The following PPP4R3A variants were observed in gnomAD, a reference collection of about 807,000 sequenced individuals.
PPP4R3A encodes protein phosphatase 4 regulatory subunit 3A, also known as serine/threonine-protein phosphatase 4 regulatory subunit 3A.
In PPP4R3A, 15 loss-of-function variants were observed where a neutral mutation model predicts 91.7. The observed-to-expected ratio is 0.16, with a 90% CI of 0.11 to 0.25. The LOEUF is 0.25. Ranked by LOEUF, PPP4R3A falls within the 10% of genes least tolerant of loss-of-function variation. The pLI is 1.00. For missense variants in PPP4R3A, 623 were observed against 998.4 expected, an observed-to-expected ratio of 0.62 and a Z score of 5.07; for synonymous variants, 377 against 348.7, an observed-to-expected ratio of 1.08 and a Z score of -0.91.
chr14:91,500,859 C>A (rs907115791), intron 1 of PPP4R3A, among the ~76,000 whole-genome samples: 6 of 152,094 alleles, frequency 3.9e-5, no homozygotes, highest in Admixed American at 3.9e-4. Flanking sequence ...ATGGCAAACC[C>A]TGTCTCTACA....
chr14:91,498,312 T>C (rs1040572742), intron 1 of PPP4R3A, among the ~76,000 whole-genome samples: 2 of 152,046 alleles, frequency 1.3e-5, no homozygotes, highest in South Asian at 2.1e-4. Flanking sequence ...TCCAGCCTAA[T>C]TGACAGTGAG....
At chr14:91,484,060 CCTCT>C (rs761524894) in intron 3 of PPP4R3A, among the ~76,000 whole-genome samples, 1 of 152,100 alleles carries the variant, frequency 6.6e-6, no homozygotes, top group Non-Finnish European at 1.5e-5. Context: ...ATTAATGTCA[CCTCT>C]CTCTCTTTGG....
intron 11 of PPP4R3A, among the ~76,000 whole-genome samples, chr14:91,464,397 C>T (rs1888355474): frequency 6.7e-6 from 1 of 148,316 alleles, no homozygotes; most frequent in Non-Finnish European, 1.5e-5. Flanking sequence ...TGGCTGCCAA[C>T]AATGTGAATG....
rs766250846 is a variant in PPP4R3A at position 91,468,667 on chromosome 14, C to CAAAAAAAAAAAAAAAAAAAAAAA, written c.1660+2169_1660+2170insTTTTTTTTTTTTTTTTTTTTTTT. Reference sequence around the variant, plus strand: ...AAGGCGACAGAGTGAGACTCCGTCTCAAAAAAAAAAAAAAAAAAAAAAGGA... The same window carrying CAAAAAAAAAAAAAAAAAAAAAAA: ...AAGGCGACAGAGTGAGACTCCGTCTCAAAAAAAAAAAAAAAAAAAAAAAAAAAAAAAAAAAAAAAAAAAAAGGA... On this transcript the variant is annotated intron_variant, in intron 10 of 14. Coordinates refer to ENST00000554943, the MANE Select transcript of PPP4R3A (RefSeq NM_001366432.2). Among the ~76,000 whole-genome samples the CAAAAAAAAAAAAAAAAAAAAAAA allele has an allele frequency of 2.7e-4, 12 of 45,044 alleles. 1 individual carries two copies. The highest frequency in any genetic ancestry group is 3.5e-3 in the East Asian group (2 of 576). The allele number at this position is 45,044 out of a possible 152,430, so 29.6% of individuals were successfully genotyped here. A position where few individuals can be genotyped will look rare whatever the true frequency, so the allele number is the denominator to read the frequency against.
intron 14 of PPP4R3A, among the ~76,000 whole-genome samples, chr14:91,459,563 G>A (rs890553743): frequency 3.3e-5 from 5 of 152,088 alleles, no homozygotes; most frequent in Non-Finnish European, 7.4e-5. Context: ...ATGGTGGCCT[G>A]TGCCTGTAAT....
chr14:91,491,899 C>CG (rs1890251609), intron 1 of PPP4R3A, among the ~76,000 whole-genome samples: 1 of 151,440 alleles, frequency 6.6e-6, no homozygotes, highest in Non-Finnish European at 1.5e-5. Context: ...TTTGTACAGA[C>CG]GGGGTCTCCC....
chr14:91,473,761 G>A (rs1888992235), intron 7 of PPP4R3A, among the ~76,000 whole-genome samples: 2 of 152,034 alleles, frequency 1.3e-5, no homozygotes, highest in African/African-American at 2.4e-5. Flanking sequence ...TAATACTTTC[G>A]TTGCTTTTAT....
rs1055383070 is a variant in PPP4R3A at position 91,494,033 on chromosome 14, C to A, written c.143-3231G>T. ...CCCGCCTCGGCAGGCAGGTGGGTCA[C>A]TTGAGGTCAGCAGTTCGAGACCAGC... On this transcript the variant is annotated intron_variant, in intron 1 of 14. Transcript: ENST00000554943. 4.0e-5 allele frequency among the ~76,000 whole-genome samples: 6 copies of A among 151,550 alleles called. 2 individuals are homozygous for A. The highest frequency in any genetic ancestry group is 1.5e-4 in the African/African-American group (6 of 40,930).
intron 1 of PPP4R3A, among the ~76,000 whole-genome samples, chr14:91,498,917 C>CAA (rs530802333): frequency 0.26 from 23,669 of 90,918 alleles, 3,063 homozygotes; most frequent in Non-Finnish European, 0.36. Context: ...GACTCCAACT[C>CAA]AAAAAAAAAA....
Position 91,461,537 on chromosome 14 carries a change from C to T in PPP4R3A, c.2235G>A (p.Lys745=), listed in dbSNP as rs112331359. Residue 745 remains lysine, a synonymous_variant, in exon 14 of 15, where the codon AAG becomes AAA. Transcript: ENST00000554943. ...NLSGRQSPSF[K]LSLSSGTKTN... ...TCTTCGTTCCACTGGACAGGGAAAG[C>T]TTGAAACTTGGGCTCTGCCGTCCAG... The T allele has an allele frequency of 3.1e-6, 5 of 1,614,042 alleles. No homozygotes were observed. The highest frequency in any genetic ancestry group is 2.7e-5 in the African/African-American group (2 of 75,036).
In PPP4R3A at chr14:91,482,055, G is replaced by C. The variant is rs780157659; in HGVS notation, c.436C>G (p.Leu146Val). The change falls in exon 4 of 15, where the codon CTT becomes GTT. Residue 146 changes from leucine (L) to valine (V), a missense_variant. By Grantham distance (32) the Leu-to-Val change is conservative. This residue lies in a region of PPP4R3A where 264 missense variants were observed against 377.3 expected (regional missense o/e 0.70). Transcript: ENST00000554943. ...ELSRLEEIAE[L>V]VASSLPSPLR... The stretch of plus-strand genomic sequence containing the variant: ...GGTGAAGGTAAAGATGATGCCACAA[G>C]TTCTGCAATTTCTTCAAGGCGACTT... 3.7e-6 allele frequency: 6 copies of C among 1,613,880 alleles called. No homozygotes were observed. In the East Asian group the frequency reaches 8.9e-5, roughly 24 times the overall value.
intron 1 of PPP4R3A, among the ~76,000 whole-genome samples, chr14:91,508,524 T>C (rs1440638425): frequency 2.0e-5 from 3 of 152,212 alleles, no homozygotes; most frequent in Non-Finnish European, 4.4e-5. Flanking sequence ...TACTTTCACG[T>C]TTGGAAGTAA....
At position 91,458,831 on chromosome 14, in the gene PPP4R3A, A is replaced by T; in HGVS notation, c.2430T>A (p.Asp810Glu). The T allele has an allele frequency of 6.2e-7, 1 of 1,613,564 alleles. No homozygotes were observed. The highest frequency in any genetic ancestry group is 2.2e-5 in the East Asian group (1 of 44,860). ...LVGLVDYPDD[D>E]EDDDEDEDKE... ...TATCTTCATCCTCATCATCATCTTC[A>T]TCATCATCAGGATAATCTACCAGAC... The change falls in exon 15 of 15, where the codon GAT becomes GAA. Residue 810 changes from aspartate to glutamate, a missense_variant. Asp to Glu is a conservative substitution (Grantham distance 45). This residue lies in a region of PPP4R3A where 201 missense variants were observed against 229.9 expected (regional missense o/e 0.87). Transcript: ENST00000554943.
intron 1 of PPP4R3A, among the ~76,000 whole-genome samples, chr14:91,491,829 TCCACCTTCTG>T (rs1890248764): frequency 1.3e-5 from 2 of 152,244 alleles, no homozygotes; most frequent in Non-Finnish European, 2.9e-5. Flanking sequence ...GACTGCAACC[TCCACCTTCTG>T]GGTAGTTGGG....
intron 10 of PPP4R3A, among the ~76,000 whole-genome samples, chr14:91,467,768 A>C (rs1451476360): frequency 1.3e-5 from 2 of 152,224 alleles, no homozygotes; most frequent in African/African-American, 2.4e-5. Context: ...AAAGATGACA[A>C]AGTATAATAA....
chr14:91,510,123 A>G lies in PPP4R3A; in HGVS notation c.-476T>C. On this transcript the variant is annotated 5_prime_UTR_variant, in exon 1 of 15. Transcript: ENST00000554943. ...GGCTCCCTTCCGCTCCCCCTGTTTT[A>G]AACGTCAGAAGCCGACAGGCGCCTG... is the stretch of plus-strand genomic sequence containing the variant. 1 of 183,702 alleles carries G rather than the reference A, an allele frequency of 5.4e-6. No individual in the cohort carries two copies. The highest frequency in any genetic ancestry group is 1.6e-4 in the South Asian group (1 of 6,238). 11.4% of individuals were successfully genotyped at this position (183,702 alleles called of 1,614,324 possible). A position where few individuals can be genotyped will look rare whatever the true frequency, so the allele number is the denominator to read the frequency against.
In PPP4R3A at chr14:91,491,158, C is replaced by T. The variant is rs181935624; in HGVS notation, c.143-356G>A. Among the ~76,000 whole-genome samples the T allele has an allele frequency of 3.9e-5, 6 of 152,060 alleles. No individual in the cohort carries two copies. In the East Asian group the frequency reaches 9.7e-4, roughly 24 times the overall value. On this transcript the variant is annotated intron_variant, in intron 1 of 14. Coordinates refer to ENST00000554943, the MANE Select transcript of PPP4R3A (RefSeq NM_001366432.2). Reference sequence around the variant, plus strand: ...CTGACCTCAGGTGATCCACCAGCCTCGGCCTCCCAAGGTGCTGGCATTACA... The same window carrying T: ...CTGACCTCAGGTGATCCACCAGCCTTGGCCTCCCAAGGTGCTGGCATTACA...
chr14:91,465,106 C>CA, intron 11 of PPP4R3A, 144 bp downstream of exon 11: 1 of 655,630 alleles, frequency 1.5e-6, no homozygotes, highest in Non-Finnish European at 2.3e-6. Flanking sequence ...TAGCTTGACT[C>CA]AAATCTCTCA....
intron 1 of PPP4R3A, among the ~76,000 whole-genome samples, chr14:91,491,572 T>A (rs139580799): frequency 6.6e-6 from 1 of 151,860 alleles, no homozygotes; most frequent in East Asian, 1.9e-4. Context: ...CACGCCCAGA[T>A]AATTTTGTAT....
Sources: allele counts gnomAD v4.1 joint callset (sites outside exome capture counted in the v4.1 genomes callset), GRCh38; gene constraint gnomAD v4.1.1; regional missense constraint gnomAD v4.1.1; transcripts MANE v1.5; gene names NCBI Gene and HGNC (gene_info 2026-07-23, HGNC 2026-07-21).